CTNNA2: variants seen among roughly 807,000 people sequenced by gnomAD.
CTNNA2 encodes the protein catenin alpha 2.
A neutral mutation model predicts 101.0 loss-of-function variants in CTNNA2; 42 were observed. That is an observed-to-expected ratio of 0.42 (90% confidence interval 0.32 to 0.54). The LOEUF (loss-of-function observed/expected upper bound fraction) is 0.54, where lower values mean the gene tolerates loss of function less well. Among genes scored for constraint, CTNNA2 ranks in the 20% least tolerant of loss-of-function variants. The probability of loss-of-function intolerance (pLI) is 0.14; values close to 1 mark genes in which losing one functional copy is unlikely to be tolerated. For synonymous variants in CTNNA2, 450 were observed against 456.4 expected, an observed-to-expected ratio of 0.99 and a Z score of 0.18; for missense variants, 871 against 1,223.1, an observed-to-expected ratio of 0.71 and a Z score of 4.29.
At chr2:80,505,108 T>C (rs1688165429) in intron 9 of CTNNA2, among the ~76,000 whole-genome samples, 1 of 152,188 alleles carries the variant, frequency 6.6e-6, no homozygotes, top group African/African-American at 2.4e-5. Flanking sequence ...GGGAGCATCA[T>C]ATGTTCACAT....
At chr2:80,095,376 T>C (rs1700079398) in intron 7 of CTNNA2, among the ~76,000 whole-genome samples, 1 of 152,220 alleles carries the variant, frequency 6.6e-6, no homozygotes, top group African/African-American at 2.4e-5. Flanking sequence ...GTGGATAAGC[T>C]TTTTGATGTG....
At position 80,534,535 on chromosome 2, in the gene CTNNA2, G is replaced by A. The variant is rs568896784; in HGVS notation, c.1291-10447G>A. On this transcript the variant is annotated intron_variant, in intron 9 of 18. Transcript: ENST00000402739. Reference sequence around the variant, plus strand: ...TCAGCAACTGTGATCCCAGATATGTGTGGAGGGGTAAAGTAGGGATTCTGT... The same window carrying A: ...TCAGCAACTGTGATCCCAGATATGTATGGAGGGGTAAAGTAGGGATTCTGT... Among the ~76,000 whole-genome samples, 8 of 152,304 alleles carry A rather than the reference G, an allele frequency of 5.3e-5. No homozygotes were observed. In the South Asian group the frequency reaches 1.4e-3, roughly 28 times the overall value.
chr2:79,229,810 G>C (rs900358473), intron 2 of CTNNA2, among the ~76,000 whole-genome samples: 2 of 152,202 alleles, frequency 1.3e-5, no homozygotes, highest in African/African-American at 2.4e-5. Context: ...TCCAGGCTGA[G>C]GTGGAATCAG....
In CTNNA2 at chr2:79,713,836, A is replaced by G. The variant is rs561430917; in HGVS notation, c.103-30551A>G. Among the ~76,000 whole-genome samples the G allele has an allele frequency of 1.9e-4, 29 of 152,292 alleles. No individual in the cohort carries two copies. The East Asian group carries it at 3.9e-3, about 20-fold the overall frequency. On this transcript the variant is annotated intron_variant, in intron 2 of 18. Transcript: ENST00000402739. ...GATAAAAACTTTAGAAAAGTACATTAATTATTACTTACGCCCAAGGTGAAA... is the reference window on the plus strand; with the variant it reads ...GATAAAAACTTTAGAAAAGTACATTGATTATTACTTACGCCCAAGGTGAAA...
chr2:79,258,107 C>A (rs186215415), intron 2 of CTNNA2, among the ~76,000 whole-genome samples: 161 of 152,248 alleles, frequency 1.1e-3, no homozygotes, highest in Admixed American at 3.2e-3. Context: ...GTATAGCAAC[C>A]CTATTTCCAA....
intron 7 of CTNNA2, among the ~76,000 whole-genome samples, chr2:80,102,876 G>A (rs146020682): frequency 7.9e-5 from 12 of 152,266 alleles, no homozygotes; most frequent in Admixed American, 3.3e-4. Context: ...AAGGGTGATC[G>A]TGACGTAGGC....
At chr2:79,967,831 C>G (rs1036745464) in intron 7 of CTNNA2, among the ~76,000 whole-genome samples, 3 of 152,150 alleles carry the variant, frequency 2.0e-5, no homozygotes, top group African/African-American at 7.2e-5. Context: ...TGGCTATCAA[C>G]AGATGATTGG....
intron 8 of CTNNA2, among the ~76,000 whole-genome samples, chr2:80,411,737 G>C (rs1679589994): frequency 1.3e-5 from 2 of 152,118 alleles, no homozygotes; most frequent in South Asian, 4.1e-4. Flanking sequence ...CCATCTGTTA[G>C]CTTTGTGAAT....
At chr2:79,868,841 G>A (rs1383450043) in intron 4 of CTNNA2, among the ~76,000 whole-genome samples, 1 of 152,122 alleles carries the variant, frequency 6.6e-6, no homozygotes, top group Non-Finnish European at 1.5e-5. Flanking sequence ...TCTGTCTTGT[G>A]CTTTATTCAC....
At chr2:80,612,754 T>G (rs192542308) in intron 17 of CTNNA2, among the ~76,000 whole-genome samples, 1 of 151,602 alleles carries the variant, frequency 6.6e-6, no homozygotes, top group Admixed American at 6.6e-5. Flanking sequence ...TTTCTTAATT[T>G]TTATATCTTC....
chr2:80,097,768 G>A (rs1401455482), intron 7 of CTNNA2, among the ~76,000 whole-genome samples: 9 of 151,820 alleles, frequency 5.9e-5, no homozygotes, highest in Non-Finnish European at 8.8e-5. Context: ...GTCTTCCATC[G>A]CTGATACCCT....
At chr2:80,567,915 T>A (rs1355740996) in intron 12 of CTNNA2, among the ~76,000 whole-genome samples, 2 of 152,186 alleles carry the variant, frequency 1.3e-5, no homozygotes, top group Non-Finnish European at 2.9e-5. Flanking sequence ...ACTAAACTGT[T>A]TATCTCTCTC....
At chr2:80,561,065 G>C (rs1441945301) in intron 12 of CTNNA2, among the ~76,000 whole-genome samples, 1 of 152,092 alleles carries the variant, frequency 6.6e-6, no homozygotes, top group Non-Finnish European at 1.5e-5. Context: ...CCTTCAGTTG[G>C]ACTGATTTCT....
At chr2:80,488,745 A>C (rs150667058) in intron 9 of CTNNA2, among the ~76,000 whole-genome samples, 1 of 152,228 alleles carries the variant, frequency 6.6e-6, no homozygotes, top group Non-Finnish European at 1.5e-5. Context: ...CTTTATAGTC[A>C]TAGAACTAAG....
chr2:79,680,804 T>C (rs138400498), intron 2 of CTNNA2, among the ~76,000 whole-genome samples: 2,483 of 152,296 alleles, frequency 0.016, 65 homozygotes, highest in African/African-American at 0.05. Context: ...CAGGGAATCA[T>C]TGTAAAACTC....
intron 7 of CTNNA2, among the ~76,000 whole-genome samples, chr2:79,990,833 G>A (rs1047912034): frequency 6.6e-6 from 1 of 152,114 alleles, no homozygotes; most frequent in African/African-American, 2.4e-5. Flanking sequence ...CTGTTGATTG[G>A]AATAGTTTCA....
At chr2:79,997,824 C>T (rs947693172) in intron 7 of CTNNA2, among the ~76,000 whole-genome samples, 6 of 152,126 alleles carry the variant, frequency 3.9e-5, no homozygotes, top group Non-Finnish European at 8.8e-5. Flanking sequence ...AGAATTAAGG[C>T]GAACCTTAAT....
chr2:79,895,071 A>T lies in CTNNA2; in HGVS notation c.853-14523A>T, dbSNP rs188641961. On this transcript the variant is annotated intron_variant, in intron 6 of 18. Transcript: ENST00000402739. ...ATCATCTTCTTGAGTTAACTCTCTT[A>T]GGGCTTCTCTTTTCCAGTGTTACAC... 2.8e-3 allele frequency among the ~76,000 whole-genome samples: 421 copies of T among 152,300 alleles called. 2 individuals are homozygous for T. The highest frequency in any genetic ancestry group is 9.8e-3 in the African/African-American group (409 of 41,568).
chr2:80,241,637 A>G (rs1052480944), intron 7 of CTNNA2, among the ~76,000 whole-genome samples: 1 of 143,152 alleles, frequency 7.0e-6, no homozygotes, highest in African/African-American at 2.6e-5. Context: ...CATCTTTGTT[A>G]TATTTAGGCC....
Sources: allele counts gnomAD v4.1 joint callset (sites outside exome capture counted in the v4.1 genomes callset), GRCh38; gene constraint gnomAD v4.1.1; transcripts MANE v1.5; gene names NCBI Gene and HGNC (gene_info 2026-07-23, HGNC 2026-07-21).